Variants in TOP2B observed in about 807,000 individuals in gnomAD.
TOP2B encodes DNA topoisomerase 2-beta.
A neutral mutation model predicts 193.5 loss-of-function variants in TOP2B; 51 were observed. The observed-to-expected ratio is 0.26, with a 90% CI of 0.21 to 0.33. The LOEUF is 0.33. Among genes scored for constraint, TOP2B ranks in the 10% least tolerant of loss-of-function variants. The pLI is 1.00. For missense variants in TOP2B, 1,378 were observed against 1,909.3 expected (o/e 0.72, Z 5.19); for synonymous variants, 634 against 635.7 (o/e 1.00, Z 0.04).
chr3:25,604,207 G>GT (rs942230892), intron 33 of TOP2B, among the ~76,000 whole-genome samples: 101 of 151,818 alleles, frequency 6.7e-4, no homozygotes, highest in East Asian at 6.2e-3. Context: ...GATTTGTGGG[G>GT]TTTTTTTTAA....
intron 22 of TOP2B, 136 bp downstream of exon 22, chr3:25,620,546 C>G: frequency 2.3e-6 from 2 of 854,072 alleles, no homozygotes; most frequent in Non-Finnish European, 3.5e-6. Flanking sequence ...ACAAATTCAA[C>G]TGAAGGGTAA....
intron 1 of TOP2B, among the ~76,000 whole-genome samples, chr3:25,659,782 T>TTGA (rs1703856715): frequency 6.6e-6 from 1 of 152,226 alleles, no homozygotes; most frequent in Admixed American, 6.5e-5. Context: ...TATTCTGTCT[T>TTGA]ATCAGAGTAT....
At chr3:25,636,230 CATTT>C (rs1238247504) in intron 6 of TOP2B, 82 bp from the exon 7 acceptor site, 26 of 863,744 alleles carry the variant, frequency 3.0e-5, no homozygotes, top group Admixed American at 3.0e-4. Flanking sequence ...TAAATTCATT[CATTT>C]ATCAAACTAT....
chr3:25,649,801 C>T (rs1314931115), intron 1 of TOP2B, among the ~76,000 whole-genome samples: 1 of 151,938 alleles, frequency 6.6e-6, no homozygotes, highest in African/African-American at 2.4e-5. Context: ...CACAGTAACA[C>T]AAAAATACAT....
Position 25,609,562 on chromosome 3 carries a change from T to G in TOP2B, c.3931+6A>C. 8 of 1,605,268 alleles carry G rather than the reference T, an allele frequency of 5.0e-6. No homozygotes were observed. The highest frequency in any genetic ancestry group is 5.1e-6 in the Non-Finnish European group (6 of 1,175,522). On this transcript the variant is annotated splice_donor_region_variant and intron_variant, in intron 29 of 35. Coordinates refer to ENST00000264331, the MANE Select transcript of TOP2B (RefSeq NM_001330700.2). ...ACACACATGCAAAACTATAATCATTTCTCACCAGGCTCCTTCTTCTCCCTC... is the reference window on the plus strand; with the variant it reads ...ACACACATGCAAAACTATAATCATTGCTCACCAGGCTCCTTCTTCTCCCTC...
chr3:25,629,716 C>T (rs1430146124), intron 13 of TOP2B, among the ~76,000 whole-genome samples: 2 of 152,038 alleles, frequency 1.3e-5, no homozygotes, highest in Non-Finnish European at 2.9e-5. Flanking sequence ...CAAATCATGC[C>T]ATCATGTATA....
intron 1 of TOP2B, among the ~76,000 whole-genome samples, chr3:25,647,828 AC>A (rs1575584886): frequency 6.6e-6 from 1 of 152,226 alleles, no homozygotes; most frequent in East Asian, 1.9e-4. Context: ...TCTAAAAAAA[AC>A]AGGTAACATT....
At chr3:25,616,978 C>T (rs1702521459) in intron 25 of TOP2B, among the ~76,000 whole-genome samples, 1 of 151,970 alleles carries the variant, frequency 6.6e-6, no homozygotes, top group South Asian at 2.1e-4. Context: ...TTATAATTCT[C>T]TTTTCTCCAA....
chr3:25,656,456 T>C (rs1275258730), intron 1 of TOP2B, among the ~76,000 whole-genome samples: 1 of 151,952 alleles, frequency 6.6e-6, no homozygotes, highest in Non-Finnish European at 1.5e-5. Context: ...AATAAATAAA[T>C]AGATAAAAAA....
chr3:25,603,630 T>C (rs6789234), intron 33 of TOP2B, among the ~76,000 whole-genome samples: 1 of 152,068 alleles, frequency 6.6e-6, no homozygotes. Context: ...TCCTAGAGTA[T>C]GGATTCAAGT....
At chr3:25,645,991 G>A (rs899476915) in intron 1 of TOP2B, among the ~76,000 whole-genome samples, 3 of 148,982 alleles carry the variant, frequency 2.0e-5, no homozygotes, top group Admixed American at 6.7e-5. Context: ...GGCTGGTCTC[G>A]AACTTCTGAC....
chr3:25,657,415 C>A (rs1271655714), intron 1 of TOP2B, among the ~76,000 whole-genome samples: 1 of 152,176 alleles, frequency 6.6e-6, no homozygotes, highest in East Asian at 1.9e-4. Flanking sequence ...TTGCTGTTAT[C>A]ATCACTATCT....
At chr3:25,605,885 TAAAG>T (rs1420758080) in intron 32 of TOP2B, among the ~76,000 whole-genome samples, 154 bp downstream of exon 32, 1 of 152,064 alleles carries the variant, frequency 6.6e-6, no homozygotes, top group Non-Finnish European at 1.5e-5. Context: ...TCAGAAAAAG[TAAAG>T]AAGCCTTATT....
At position 25,654,181 on chromosome 3, in the gene TOP2B, T is replaced by A. The variant is rs138847403; in HGVS notation, c.70-8711A>T. On this transcript the variant is annotated intron_variant, in intron 1 of 35. Coordinates refer to ENST00000264331, the MANE Select transcript of TOP2B (RefSeq NM_001330700.2). ...AGTAGAATTATGCTCACAAATGGCATAATCTTATAGTAGATAACCCAAAAG... is the reference window on the plus strand; with the variant it reads ...AGTAGAATTATGCTCACAAATGGCAAAATCTTATAGTAGATAACCCAAAAG... Among the ~76,000 whole-genome samples the A allele has an allele frequency of 3.3e-4, 51 of 152,314 alleles. No individual in the cohort carries two copies. The East Asian group carries it at 9.5e-3, about 28-fold the overall frequency.
intron 32 of TOP2B, 114 bp downstream of exon 32, chr3:25,605,929 T>C (rs2125346879): frequency 1.9e-6 from 1 of 533,468 alleles, no homozygotes. Flanking sequence ...AAGGAAGTTT[T>C]CTACTCATTA....
chr3:25,609,418 TAATGA>T, intron 29 of TOP2B, 74 bp from the exon 30 acceptor site: 1 of 1,465,748 alleles, frequency 6.8e-7, no homozygotes, highest in Non-Finnish European at 9.1e-7. Flanking sequence ...AAAATTGTTA[TAATGA>T]AAAGTTCATT....
At chr3:25,634,516 C>T (rs1347465039) in intron 7 of TOP2B, among the ~76,000 whole-genome samples, 1 of 151,942 alleles carries the variant, frequency 6.6e-6, no homozygotes, top group Admixed American at 6.6e-5. Flanking sequence ...ATTTAATAAG[C>T]TAGTAGGAAC....
intron 1 of TOP2B, among the ~76,000 whole-genome samples, chr3:25,663,339 T>C (rs1703974561): frequency 6.6e-6 from 1 of 152,052 alleles, no homozygotes; most frequent in Admixed American, 6.5e-5. Context: ...TCCAGAAAAA[T>C]GTAACACTTT....
chr3:25,617,280 T>C (rs753630122), intron 25 of TOP2B, among the ~76,000 whole-genome samples: 1 of 152,108 alleles, frequency 6.6e-6, no homozygotes, highest in Non-Finnish European at 1.5e-5. Context: ...AAGGCAAGTG[T>C]TGTAGAAACC....
Sources: gnomAD v4.1 joint callset for allele counts (sites outside exome capture counted in the v4.1 genomes callset) on GRCh38, gnomAD v4.1.1 for gene constraint, MANE v1.5 for transcripts, NCBI Gene and HGNC (gene_info 2026-07-23, HGNC 2026-07-21) for gene names.